ACSF3: variants seen among roughly 807,000 people sequenced by gnomAD.
The protein encoded by ACSF3 is acyl-CoA synthetase family member 3, also known as malonate--CoA ligase ACSF3, mitochondrial.
ACSF3 carries 78 observed loss-of-function variants against 53.2 expected under a neutral mutation model. That is an observed-to-expected ratio of 1.47 (90% CI 1.22 to 1.77). ACSF3 has a LOEUF of 1.77. ACSF3 is among the 40% of genes most tolerant of loss of function. The pLI is 0.00. For synonymous variants in ACSF3, 414 were observed against 333.1 expected, an observed-to-expected ratio of 1.24 and a Z score of -2.65; for missense variants, 937 against 771.1, an observed-to-expected ratio of 1.22 and a Z score of -2.55.
At chr16:89,105,686 G>A (rs1355085872) in intron 4 of ACSF3, among the ~76,000 whole-genome samples, 2 of 152,224 alleles carry the variant, frequency 1.3e-5, no homozygotes, top group Non-Finnish European at 2.9e-5. Flanking sequence ...CTGCCCGGGC[G>A]CTGACGGTGG....
rs1291479521 is a variant in ACSF3 at position 89,155,085 on chromosome 16, G to A, written c.*878G>A. On this transcript the variant is annotated 3_prime_UTR_variant, in exon 11 of 11. Coordinates refer to ENST00000614302, the MANE Select transcript of ACSF3 (RefSeq NM_001243279.3). ...TGGCCGATGCAGAAACCTCAGGAAGGTGTGTTGTGAATGTTGGGTGCACCC... is the reference window on the plus strand; with the variant it reads ...TGGCCGATGCAGAAACCTCAGGAAGATGTGTTGTGAATGTTGGGTGCACCC... 12 of 454,046 alleles carry A rather than the reference G, an allele frequency of 2.6e-5. No homozygotes were observed. Among genetic ancestry groups the A allele is most frequent in the Non-Finnish European group, 4.8e-5 (11 of 226,810 alleles). 28.1% of individuals were successfully genotyped at this position (454,046 alleles called of 1,614,324 possible). A position where few individuals can be genotyped will look rare whatever the true frequency, so the allele number is the denominator to read the frequency against.
At chr16:89,118,198 C>T (rs1884531611) in intron 6 of ACSF3, among the ~76,000 whole-genome samples, 1 of 150,208 alleles carries the variant, frequency 6.7e-6, no homozygotes, top group Non-Finnish European at 1.5e-5. Flanking sequence ...GGGATGTTCC[C>T]TCTTCTCTAA....
intron 10 of ACSF3, chr16:89,151,817 AG>A (rs1272072440): frequency 6.6e-6 from 1 of 152,212 alleles, no homozygotes; most frequent in East Asian, 1.9e-4. Flanking sequence ...GTGTTGGCCA[AG>A]CTGGTCTCGA....
rs1396193928 is a variant in ACSF3, at chr16:89,093,965, G to C, written c.-225G>C. The C allele has an allele frequency of 7.7e-6, 2 of 260,426 alleles. No homozygotes were observed. The highest frequency in any genetic ancestry group is 3.7e-5 in the Admixed American group (1 of 27,096). 16.1% of individuals were successfully genotyped at this position (260,426 alleles called of 1,614,324 possible). ...GACGAGGAAGAGTTGTGGCGAGGCA[G>C]ATCCTGCCCCGTGGCCGCGGCCGTC... On this transcript the variant is annotated 5_prime_UTR_variant, in exon 1 of 11. Transcript: ENST00000614302.
At chr16:89,109,352 C>CACTT (rs1403640401) in intron 4 of ACSF3, among the ~76,000 whole-genome samples, 1 of 149,058 alleles carries the variant, frequency 6.7e-6, no homozygotes, top group Non-Finnish European at 1.5e-5. Flanking sequence ...GTCCTGCCAA[C>CACTT]ACTTGTCACT....
chr16:89,102,688 G>T lies in ACSF3; in HGVS notation c.751G>T (p.Val251Phe). Residue 251 changes from valine (V) to phenylalanine (F), a missense_variant, in exon 4 of 11, where the codon GTC becomes TTC. Val to Phe is a conservative substitution (Grantham distance 50, BLOSUM62 -1). Coordinates refer to ENST00000614302, the MANE Select transcript of ACSF3 (RefSeq NM_001243279.3). ...VLPLHHVHGV[V>F]NALLCPLWVG... is the part of the protein sequence containing the mutation. ...CCCGCTGCACCACGTCCATGGTGTG[G>T]TCAACGCGCTGCTCTGTCCTCTCTG... The T allele has an allele frequency of 6.2e-7, 1 of 1,613,772 alleles. No individual in the cohort carries two copies.
chr16:89,120,121 G>A (rs4782441), intron 6 of ACSF3, among the ~76,000 whole-genome samples: 106,598 of 152,236 alleles, frequency 0.7, 37,832 homozygotes, highest in Middle Eastern at 0.77. Flanking sequence ...GCAGCCCTGC[G>A]TGTGCCGGCG....
intron 3 of ACSF3, chr16:89,102,291 G>A: frequency 2.3e-6 from 1 of 429,856 alleles, no homozygotes; most frequent in Non-Finnish European, 4.4e-6. Flanking sequence ...TGAGTCCCAG[G>A]CTTGGGCAGG....
chr16:89,136,005 C>A (rs972552549), intron 8 of ACSF3, among the ~76,000 whole-genome samples: 1 of 152,238 alleles, frequency 6.6e-6, no homozygotes, highest in Non-Finnish European at 1.5e-5. Flanking sequence ...GAGCTCCTGG[C>A]CTCAGGTGAT....
chr16:89,097,360 TTGAG>T (rs1466499470), intron 1 of ACSF3, among the ~76,000 whole-genome samples: 2 of 152,226 alleles, frequency 1.3e-5, no homozygotes, highest in Non-Finnish European at 2.9e-5. Context: ...ACCTTCTATA[TTGAG>T]TGAGTGTCGC....
intron 7 of ACSF3, among the ~76,000 whole-genome samples, chr16:89,123,823 G>A (rs1907247683): frequency 6.6e-6 from 1 of 152,168 alleles, no homozygotes; most frequent in Admixed American, 6.5e-5. Flanking sequence ...GGCCTGCCAG[G>A]CCCAGGGCTC....
intron 8 of ACSF3, among the ~76,000 whole-genome samples, chr16:89,142,201 T>C (rs1911899061): frequency 6.6e-6 from 1 of 151,670 alleles, no homozygotes; most frequent in Admixed American, 6.6e-5. Flanking sequence ...AAGCAGGGAT[T>C]TGGGGCCTGG....
At chr16:89,114,609 A>G in intron 6 of ACSF3, 122 bp downstream of exon 6, 2 of 1,450,602 alleles carry the variant, frequency 1.4e-6, no homozygotes, top group Non-Finnish European at 1.9e-6. Context: ...CCCCCGTGGG[A>G]CAGGCCACTC....
At chr16:89,132,264 C>T (rs1211559319) in intron 7 of ACSF3, among the ~76,000 whole-genome samples, 3 of 152,238 alleles carry the variant, frequency 2.0e-5, no homozygotes, top group Non-Finnish European at 4.4e-5. Context: ...GGGTCACAGC[C>T]AGTCACTTTC....
intron 2 of ACSF3, among the ~76,000 whole-genome samples, chr16:89,099,378 C>G (rs200914119): frequency 2.0e-5 from 3 of 152,234 alleles, no homozygotes; most frequent in African/African-American, 7.2e-5. Context: ...AGGGAGCCCT[C>G]GCTTCCTGCT....
intron 3 of ACSF3, among the ~76,000 whole-genome samples, chr16:89,102,120 A>G (rs937684182): frequency 6.6e-6 from 1 of 152,240 alleles, no homozygotes; most frequent in Non-Finnish European, 1.5e-5. Context: ...GCTGCTTCTC[A>G]GTAAGAGCTG....
intron 8 of ACSF3, among the ~76,000 whole-genome samples, chr16:89,142,981 C>T (rs1468764973): frequency 2.0e-5 from 3 of 152,256 alleles, no homozygotes; most frequent in African/African-American, 4.8e-5. Flanking sequence ...TAATCCATTG[C>T]CGACGTTGGC....
At chr16:89,136,118 C>T (rs979817646) in intron 8 of ACSF3, among the ~76,000 whole-genome samples, 1 of 152,246 alleles carries the variant, frequency 6.6e-6, no homozygotes, top group Admixed American at 6.5e-5. Context: ...AAGACGTTTT[C>T]TTCTTTGAAA....
chr16:89,120,668 C>A (rs1030857427), intron 6 of ACSF3, 133 bp from the exon 7 acceptor site: 2 of 841,942 alleles, frequency 2.4e-6, no homozygotes, highest in African/African-American at 3.3e-5. Context: ...GGTCACAGGG[C>A]ACGTCGCTCC....
Sources: allele counts gnomAD v4.1 joint callset (sites outside exome capture counted in the v4.1 genomes callset), GRCh38; gene constraint gnomAD v4.1.1; transcripts MANE v1.5; gene names NCBI Gene and HGNC (gene_info 2026-07-23, HGNC 2026-07-21).